Variants in ALG9 observed in about 807,000 individuals in gnomAD.
ALG9 encodes alpha-1,2-mannosyltransferase ALG9.
In ALG9, 55 loss-of-function variants were observed where a neutral mutation model predicts 81.8. That is an observed-to-expected ratio of 0.67 (90% CI 0.54 to 0.84). The LOEUF is 0.84. Among genes scored for constraint, ALG9 ranks in the 40% least tolerant of loss-of-function variants. ALG9 has a pLI of 0.00. For synonymous variants in ALG9, 278 were observed against 274.3 expected (o/e 1.01, Z -0.13); for missense variants, 629 against 745.0 (o/e 0.84, Z 1.81).
At chr11:111,771,351 G>C in the ALG9 span, 1 of 152,494 alleles carries the variant, frequency 6.6e-6, no homozygotes, top group African/African-American at 2.4e-5. Context: ...AGAATCGCTT[G>C]AACCCAGGAG....
At chr11:111,862,975 G>T (rs1960862852) in intron 4 of ALG9, among the ~76,000 whole-genome samples, 1 of 151,974 alleles carries the variant, frequency 6.6e-6, no homozygotes, top group Non-Finnish European at 1.5e-5. Flanking sequence ...TTGTTCACTA[G>T]AACTTTATCT....
At chr11:111,820,666 TCA>T (rs2136568292) in intron 13 of ALG9, among the ~76,000 whole-genome samples, 1 of 152,322 alleles carries the variant, frequency 6.6e-6, no homozygotes, top group East Asian at 1.9e-4. Flanking sequence ...CTTTCTCAAT[TCA>T]CAGACAAGAT....
At chr11:111,837,335 C>T (rs1392365936) in intron 12 of ALG9, 133 bp downstream of exon 12, 1 of 1,042,294 alleles carries the variant, frequency 9.6e-7, no homozygotes, top group Non-Finnish European at 1.4e-6. Context: ...GGCCCCACAG[C>T]TCTCCGACGT....
chr11:111,854,430 C>T (rs189880620), intron 6 of ALG9, among the ~76,000 whole-genome samples: 50 of 151,996 alleles, frequency 3.3e-4, no homozygotes, highest in East Asian at 5.8e-4. Context: ...CACCACACCC[C>T]GCTAATTGTT....
At chr11:111,870,769 A>T in intron 1 of ALG9, 1 of 1,007,514 alleles carries the variant, frequency 9.9e-7, no homozygotes, top group Non-Finnish European at 1.2e-6. Flanking sequence ...CCAACTAATC[A>T]CTCACTTGAA....
the ALG9 span, among the ~76,000 whole-genome samples, chr11:111,769,840 T>C: frequency 6.6e-6 from 1 of 152,164 alleles, no homozygotes; most frequent in Non-Finnish European, 1.5e-5. Flanking sequence ...GGAATAACTA[T>C]GATTAAATAT....
chr11:111,807,594 C>T (rs1555086458), intron 14 of ALG9, among the ~76,000 whole-genome samples: 1 of 152,188 alleles, frequency 6.6e-6, no homozygotes, highest in African/African-American at 2.4e-5. Flanking sequence ...TCCCTACCCA[C>T]CTCCAAACAG....
In ALG9 at chr11:111,870,384, A is replaced by C. The variant is rs782251612; in HGVS notation, c.132-14T>G. 15,224 of 515,078 alleles carry C rather than the reference A, an allele frequency of 0.03. 20 individuals carry two copies. The highest frequency in any genetic ancestry group is 0.04 in the East Asian group (421 of 10,490). The allele number at this position is 515,078 out of a possible 1,614,324, so 31.9% of individuals were successfully genotyped here. A position where few individuals can be genotyped will look rare whatever the true frequency, so the allele number is the denominator to read the frequency against. ...TTCCCAGATAACCTGTTCAAAAGCA[A>C]AAAAAAAAAAAAAAAAAAAAGCATG... On this transcript the variant is annotated splice_polypyrimidine_tract_variant and intron_variant, in intron 1 of 14. Coordinates refer to ENST00000616540, the MANE Select transcript of ALG9 (RefSeq NM_024740.2).
At position 111,848,855 on chromosome 11, in the gene ALG9, C is replaced by T. The variant is rs192741722; in HGVS notation, c.896-4132G>A. Among the ~76,000 whole-genome samples, 470 of 152,244 alleles carry T rather than the reference C, an allele frequency of 3.1e-3. 1 individual carries two copies. The highest frequency in any genetic ancestry group is 0.017 in the Middle Eastern group (5 of 294). ...GGACACTCCTACTCTTCCTTCCAGG[C>T]TCAGCTCAAGAGCCGCACCTTTCTT... On this transcript the variant is annotated intron_variant, in intron 8 of 14. Transcript: ENST00000616540.
intron 4 of ALG9, among the ~76,000 whole-genome samples, chr11:111,860,869 T>C (rs1446861051): frequency 4.6e-5 from 7 of 152,224 alleles, no homozygotes; most frequent in Non-Finnish European, 8.8e-5. Context: ...GCTAAGATTA[T>C]ATCTATCAAG....
intron 9 of ALG9, 109 bp downstream of exon 9, chr11:111,844,492 A>G: frequency 6.6e-7 from 1 of 1,512,790 alleles, no homozygotes; most frequent in South Asian, 1.1e-5. Flanking sequence ...AACCATTTCC[A>G]TAGGAAGAAT....
At chr11:111,844,337 C>G (rs1490541979) in intron 9 of ALG9, among the ~76,000 whole-genome samples, 2 of 152,272 alleles carry the variant, frequency 1.3e-5, no homozygotes, top group Non-Finnish European at 2.9e-5. Flanking sequence ...TTTTACTTCC[C>G]TGGGTGATTG....
chr11:111,831,292 C>T (rs1251494042), intron 13 of ALG9, among the ~76,000 whole-genome samples: 1 of 152,132 alleles, frequency 6.6e-6, no homozygotes, highest in Non-Finnish European at 1.5e-5. Flanking sequence ...CCTCCCACCT[C>T]GGCCTCCCAA....
chr11:111,801,301 T>C (rs1005007821), intron 14 of ALG9, among the ~76,000 whole-genome samples: 4 of 152,182 alleles, frequency 2.6e-5, no homozygotes, highest in Non-Finnish European at 4.4e-5. Flanking sequence ...TGGCCCAAAG[T>C]CAGCAACATC....
At chr11:111,865,783 T>G (rs1237641051) in intron 3 of ALG9, among the ~76,000 whole-genome samples, 1 of 152,166 alleles carries the variant, frequency 6.6e-6, no homozygotes, top group Non-Finnish European at 1.5e-5. Flanking sequence ...AGAAATGTAA[T>G]AAAATGGTAA....
chr11:111,852,959 AT>A (rs201569245), intron 8 of ALG9, among the ~76,000 whole-genome samples: 2 of 151,196 alleles, frequency 1.3e-5, no homozygotes, highest in African/African-American at 4.9e-5. Context: ...AAAAAAAAAA[AT>A]GTCTGGGGTA....
chr11:111,824,123 C>T (rs1314498631), intron 13 of ALG9, among the ~76,000 whole-genome samples: 1 of 152,142 alleles, frequency 6.6e-6, no homozygotes, highest in African/African-American at 2.4e-5. Flanking sequence ...TTGATTTCTT[C>T]TGTTTTACAA....
intron 8 of ALG9, among the ~76,000 whole-genome samples, chr11:111,852,581 G>T (rs1957998690): frequency 1.3e-5 from 2 of 152,086 alleles, no homozygotes; most frequent in African/African-American, 4.8e-5. Flanking sequence ...CTCCCCAAAT[G>T]CTGGAATTGA....
In ALG9 at chr11:111,784,311, AGAG is replaced by A. The variant is rs1320695049; in HGVS notation, c.*2083_*2085del. On this transcript the variant is annotated 3_prime_UTR_variant, in exon 15 of 15. Coordinates refer to ENST00000616540, the MANE Select transcript of ALG9 (RefSeq NM_024740.2). ...TCAACTCCGTCTCTGATATTCCTGC[AGAG>A]GAGATCTCAAAGAGGAGCTTTTTAA... 1.3e-5 allele frequency: 2 copies of A among 152,300 alleles called. No individual in the cohort carries two copies. Among genetic ancestry groups the A allele is most frequent in the African/African-American group, 2.4e-5 (1 of 41,470 alleles). The allele number at this position is 152,300 out of a possible 1,614,324, so 9.4% of individuals were successfully genotyped here.
Sources: allele counts gnomAD v4.1 joint callset (sites outside exome capture counted in the v4.1 genomes callset), GRCh38; gene constraint gnomAD v4.1.1; transcripts MANE v1.5; gene names NCBI Gene and HGNC (gene_info 2026-07-23, HGNC 2026-07-21).